Variants in MDM4 observed in about 807,000 individuals in gnomAD.
The protein encoded by MDM4 is protein Mdm4.
MDM4 carries 2 observed loss-of-function variants against 60.2 expected under a neutral mutation model. That is an observed-to-expected ratio of 0.03 (90% CI 0.01 to 0.10). The LOEUF (loss-of-function observed/expected upper bound fraction) is 0.10. Ranked by LOEUF, MDM4 falls within the 10% of genes least tolerant of loss-of-function variation. The pLI is 1.00. For missense variants in MDM4, 447 were observed against 577.5 expected (o/e 0.77, Z 2.32); for synonymous variants, 202 against 198.1 (o/e 1.02, Z -0.17).
At chr1:204,518,788 C>T (rs900473630) in intron 1 of MDM4, among the ~76,000 whole-genome samples, 4 of 152,192 alleles carry the variant, frequency 2.6e-5, no homozygotes, top group Non-Finnish European at 4.4e-5. Flanking sequence ...GCCGCAGCCA[C>T]GCAAGTAGCT....
chr1:204,520,408 T>TA (rs1659457602), intron 1 of MDM4, among the ~76,000 whole-genome samples: 1 of 147,734 alleles, frequency 6.8e-6, no homozygotes, highest in Non-Finnish European at 1.5e-5. Flanking sequence ...GCAACTAAAC[T>TA]AAAAATACTT....
At chr1:204,530,556 A>G in intron 3 of MDM4, 128 bp from the exon 4 acceptor site, 1 of 1,255,902 alleles carries the variant, frequency 8.0e-7, no homozygotes. Context: ...CCCCTTACAC[A>G]AACTTTGACA....
In MDM4 at chr1:204,553,599, T is replaced by G. The variant is rs1047925005; in HGVS notation, c.*3917T>G. Reference sequence around the variant, plus strand: ...TATGAATAATGAAATCACACCACATTACCATCAGATTTCTTGTTTTAGTTG... The same window carrying G: ...TATGAATAATGAAATCACACCACATGACCATCAGATTTCTTGTTTTAGTTG... On this transcript the variant is annotated 3_prime_UTR_variant, in exon 11 of 11. Transcript: ENST00000367182. 4.4e-6 allele frequency: 1 copy of G among 227,682 alleles called. No individual in the cohort carries two copies. The highest frequency in any genetic ancestry group is 6.3e-5 in the East Asian group (1 of 15,810). 14.1% of individuals were successfully genotyped at this position (227,682 alleles called of 1,614,324 possible). A position where few individuals can be genotyped will look rare whatever the true frequency, so the allele number is the denominator to read the frequency against.
chr1:204,525,476 C>T lies in MDM4; in HGVS notation c.-35-8C>T, dbSNP rs1181139934. 1.9e-6 allele frequency: 3 copies of T among 1,567,892 alleles called. No homozygotes were observed. The highest frequency in any genetic ancestry group is 2.6e-6 in the Non-Finnish European group (3 of 1,164,740). ...GAATAGATGTTATAAATTTTTTTTT[C>T]TATTTAGTTTTACCAACAGACTGCA... is the stretch of plus-strand genomic sequence containing the variant. On this transcript the variant is annotated splice_region_variant and splice_polypyrimidine_tract_variant and intron_variant, in intron 1 of 10. Coordinates refer to ENST00000367182, the MANE Select transcript of MDM4 (RefSeq NM_002393.5).
At chr1:204,532,563 A>G (rs1210632427) in intron 5 of MDM4, 7 of 579,026 alleles carry the variant, frequency 1.2e-5, no homozygotes. Flanking sequence ...TACACATAAC[A>G]AATTTAACAT....
At chr1:204,532,751 G>A (rs2102363690) in intron 5 of MDM4, 5 of 1,607,524 alleles carry the variant, frequency 3.1e-6, no homozygotes, top group East Asian at 4.5e-5. Flanking sequence ...TTGTTTTCAT[G>A]TCATTTACGT....
At chr1:204,535,307 G>A (rs1661288894) in intron 5 of MDM4, among the ~76,000 whole-genome samples, 1 of 150,736 alleles carries the variant, frequency 6.6e-6, no homozygotes, top group African/African-American at 2.4e-5. Flanking sequence ...ACAGGCGCCC[G>A]CCATCATGCC....
At chr1:204,524,712 G>A (rs1185827100) in intron 1 of MDM4, among the ~76,000 whole-genome samples, 3 of 152,260 alleles carry the variant, frequency 2.0e-5, no homozygotes, top group Non-Finnish European at 4.4e-5. Context: ...GGGAAGCAGA[G>A]GTTACAGTGA....
At chr1:204,539,629 C>T (rs956534343) in intron 7 of MDM4, among the ~76,000 whole-genome samples, 17 of 150,526 alleles carry the variant, frequency 1.1e-4, no homozygotes, top group African/African-American at 3.4e-4. Context: ...CTCCACCTCC[C>T]GTGTTCAAGC....
intron 9 of MDM4, among the ~76,000 whole-genome samples, chr1:204,546,262 G>C (rs1225900507): frequency 6.6e-6 from 1 of 152,150 alleles, no homozygotes; most frequent in Admixed American, 6.5e-5. Flanking sequence ...GAGTGCAGTG[G>C]TGAGATCATA....
intron 5 of MDM4, among the ~76,000 whole-genome samples, chr1:204,535,725 G>T (rs989951360): frequency 6.6e-6 from 1 of 151,324 alleles, no homozygotes. Flanking sequence ...TAGAGATGAG[G>T]TTTCACCAGG....
intron 3 of MDM4, 100 bp downstream of exon 3, chr1:204,526,534 G>A: frequency 2.4e-6 from 2 of 824,030 alleles, no homozygotes; most frequent in South Asian, 3.3e-5. Context: ...TGCGATCTCA[G>A]ATCACTGCAA....
intron 3 of MDM4, among the ~76,000 whole-genome samples, chr1:204,527,985 C>T (rs1660395674): frequency 6.6e-6 from 1 of 150,794 alleles, no homozygotes; most frequent in South Asian, 2.1e-4. Flanking sequence ...ACCTATATTA[C>T]TTTTACGATT....
chr1:204,528,948 A>G, intron 3 of MDM4: 1 of 1,569,680 alleles, frequency 6.4e-7, no homozygotes, highest in South Asian at 1.1e-5. Flanking sequence ...CGGCATCTGC[A>G]GCTGGGTGCA....
At chr1:204,532,608 G>T in intron 5 of MDM4, 1 of 622,732 alleles carries the variant, frequency 1.6e-6, no homozygotes, top group East Asian at 2.8e-5. Context: ...GCCAGTTTAT[G>T]TATCATTTCC....
At chr1:204,521,639 A>G (rs1444110218) in intron 1 of MDM4, among the ~76,000 whole-genome samples, 4 of 152,148 alleles carry the variant, frequency 2.6e-5, no homozygotes, top group African/African-American at 9.7e-5. Context: ...TGGAATTGTC[A>G]CATTATCACC....
intron 1 of MDM4, among the ~76,000 whole-genome samples, chr1:204,519,889 G>A (rs980842147): frequency 2.0e-5 from 3 of 152,000 alleles, no homozygotes; most frequent in African/African-American, 7.3e-5. Context: ...ATAACAGAAC[G>A]GATACAACTG....
chr1:204,526,668 T>G (rs527523312), intron 3 of MDM4, among the ~76,000 whole-genome samples: 1 of 152,082 alleles, frequency 6.6e-6, no homozygotes, highest in Non-Finnish European at 1.5e-5. Context: ...TTTCACCGTG[T>G]TAGCCAGGAT....
In MDM4 at chr1:204,554,681, T is replaced by G; in HGVS notation, c.*4999T>G. 1 of 227,542 alleles carries G rather than the reference T, an allele frequency of 4.4e-6. No homozygotes were observed. Among genetic ancestry groups the G allele is most frequent in the Non-Finnish European group, 8.7e-6 (1 of 114,548 alleles). The allele number at this position is 227,542 out of a possible 1,614,324, so 14.1% of individuals were successfully genotyped here. On this transcript the variant is annotated 3_prime_UTR_variant, in exon 11 of 11. Coordinates refer to ENST00000367182, the MANE Select transcript of MDM4 (RefSeq NM_002393.5). ...AAGGCTAAACAAAATAATCAGTATC[T>G]GAGATAGTGGCTAATGTGGCTCCCC...
Sources: gnomAD v4.1 joint callset for allele counts (sites outside exome capture counted in the v4.1 genomes callset) on GRCh38, gnomAD v4.1.1 for gene constraint, MANE v1.5 for transcripts, NCBI Gene and HGNC (gene_info 2026-07-23, HGNC 2026-07-21) for gene names.